DLG2: variants seen among roughly 807,000 people sequenced by gnomAD.
The protein encoded by DLG2 is discs large MAGUK scaffold protein 2, also known as disks large homolog 2.
DLG2 carries 45 observed loss-of-function variants against 132.5 expected under a neutral mutation model. The ratio of observed to expected loss-of-function variants is 0.34; its 90% CI spans 0.27 to 0.44. The LOEUF (loss-of-function observed/expected upper bound fraction) is 0.44. Among genes scored for constraint, DLG2 ranks in the 20% least tolerant of loss-of-function variants. DLG2 has a pLI of 1.00. For synonymous variants in DLG2, 424 were observed against 419.6 expected, an observed-to-expected ratio of 1.01 and a Z score of -0.13; for missense variants, 1,045 against 1,196.9, an observed-to-expected ratio of 0.87 and a Z score of 1.87.
At chr11:83,856,195 T>C (rs2060510493) in intron 16 of DLG2, among the ~76,000 whole-genome samples, 1 of 152,204 alleles carries the variant, frequency 6.6e-6, no homozygotes, top group South Asian at 2.1e-4. Flanking sequence ...ATATAATTCA[T>C]GGTGTGTATG....
At position 84,956,103 on chromosome 11, in the gene DLG2, G is replaced by A. The variant is rs184077084; in HGVS notation, c.357+155558C>T. On this transcript the variant is annotated intron_variant, in intron 6 of 27. Coordinates refer to ENST00000376104, the MANE Select transcript of DLG2 (RefSeq NM_001142699.3). ...ATGATTTCAGATATCTCTAAATCCCGCCTGTCTCCATTTATCAGCATAGTT... is the reference window on the plus strand; with the variant it reads ...ATGATTTCAGATATCTCTAAATCCCACCTGTCTCCATTTATCAGCATAGTT... Among the ~76,000 whole-genome samples, 152 of 152,176 alleles carry A rather than the reference G, an allele frequency of 1.0e-3. 1 individual carries two copies. Among genetic ancestry groups the A allele is most frequent in the African/African-American group, 2.7e-3 (114 of 41,536 alleles).
At chr11:84,913,202 A>G (rs1469421421) in intron 6 of DLG2, among the ~76,000 whole-genome samples, 1 of 152,218 alleles carries the variant, frequency 6.6e-6, no homozygotes, top group Non-Finnish European at 1.5e-5. Context: ...CTTCTGTTTA[A>G]AAGAATCATT....
chr11:84,761,659 T>C (rs1348852368), intron 6 of DLG2, among the ~76,000 whole-genome samples: 1 of 152,212 alleles, frequency 6.6e-6, no homozygotes, highest in Non-Finnish European at 1.5e-5. Flanking sequence ...CTTCAGCTTT[T>C]GGACTCTTGA....
intron 6 of DLG2, among the ~76,000 whole-genome samples, chr11:85,088,323 T>C (rs1323469781): frequency 6.6e-6 from 1 of 152,226 alleles, no homozygotes; most frequent in African/African-American, 2.4e-5. Flanking sequence ...ATTTCTGTTG[T>C]GTGAGCCTTT....
At chr11:84,718,333 T>C (rs774522662) in intron 6 of DLG2, among the ~76,000 whole-genome samples, 1 of 152,058 alleles carries the variant, frequency 6.6e-6, no homozygotes, top group African/African-American at 2.4e-5. Flanking sequence ...TCTATTGACA[T>C]GAATCTCTCT....
chr11:84,579,721 G>T (rs1188801374), intron 6 of DLG2, among the ~76,000 whole-genome samples: 1 of 152,204 alleles, frequency 6.6e-6, no homozygotes, highest in Non-Finnish European at 1.5e-5. Context: ...GTATTGGACA[G>T]CCATAAACTA....
intron 3 of DLG2, among the ~76,000 whole-genome samples, chr11:85,529,450 T>A (rs2075034246): frequency 6.6e-6 from 1 of 152,186 alleles, no homozygotes; most frequent in South Asian, 2.1e-4. Context: ...ATATCTATTT[T>A]TTATCTTGTT....
At chr11:83,996,398 T>C (rs1027879642) in intron 11 of DLG2, among the ~76,000 whole-genome samples, 4 of 152,204 alleles carry the variant, frequency 2.6e-5, no homozygotes, top group African/African-American at 4.8e-5. Flanking sequence ...ACAACCACTA[T>C]GGAGAACAGT....
intron 11 of DLG2, among the ~76,000 whole-genome samples, chr11:84,054,238 T>C (rs1320341869): frequency 5.3e-5 from 8 of 152,088 alleles, no homozygotes; most frequent in Non-Finnish European, 1.0e-4. Context: ...AACAAACAGT[T>C]CTGTACTTGT....
intron 6 of DLG2, among the ~76,000 whole-genome samples, chr11:85,072,115 C>T (rs1486049719): frequency 1.3e-5 from 2 of 151,854 alleles, no homozygotes; most frequent in East Asian, 3.9e-4. Context: ...TCATTGTCCT[C>T]ATTGTTACAA....
At chr11:84,845,581 T>C (rs1180259618) in intron 6 of DLG2, among the ~76,000 whole-genome samples, 1 of 152,106 alleles carries the variant, frequency 6.6e-6, no homozygotes, top group Non-Finnish European at 1.5e-5. Context: ...AATGGACATC[T>C]GTTTGTCTTT....
At chr11:84,169,055 T>G (rs1475712209) in intron 8 of DLG2, among the ~76,000 whole-genome samples, 2 of 152,182 alleles carry the variant, frequency 1.3e-5, no homozygotes, top group Non-Finnish European at 1.5e-5. Context: ...TTTCCAACAT[T>G]TTTGATGAGT....
At chr11:83,921,547 A>G (rs376100135) in intron 15 of DLG2, among the ~76,000 whole-genome samples, 32 of 152,202 alleles carry the variant, frequency 2.1e-4, no homozygotes, top group Non-Finnish European at 1.5e-4. Flanking sequence ...AGGGCACCCA[A>G]TACACATCAG....
chr11:84,606,044 T>C (rs1371767416), intron 6 of DLG2, among the ~76,000 whole-genome samples: 2 of 152,080 alleles, frequency 1.3e-5, no homozygotes, highest in Non-Finnish European at 2.9e-5. Context: ...TTTGTTTTCC[T>C]AGTAGATTGT....
intron 6 of DLG2, among the ~76,000 whole-genome samples, chr11:85,034,927 T>A (rs905754242): frequency 1.2e-4 from 18 of 152,194 alleles, no homozygotes; most frequent in Admixed American, 3.3e-4. Flanking sequence ...TGCATTTGAA[T>A]TAAGGTAAAA....
chr11:85,538,111 G>A (rs530284119), intron 3 of DLG2, among the ~76,000 whole-genome samples: 31 of 151,746 alleles, frequency 2.0e-4, no homozygotes, highest in Middle Eastern at 3.4e-3. Context: ...GCGAGACTCC[G>A]TCTCAAAAAA....
At chr11:85,022,253 G>T (rs1378177727) in intron 6 of DLG2, among the ~76,000 whole-genome samples, 1 of 151,688 alleles carries the variant, frequency 6.6e-6, no homozygotes, top group South Asian at 2.1e-4. Flanking sequence ...CAGAAAGAAT[G>T]AAACACTAAA....
intron 19 of DLG2, among the ~76,000 whole-genome samples, chr11:83,590,987 T>C (rs2097178074): frequency 6.6e-6 from 1 of 151,950 alleles, no homozygotes; most frequent in Non-Finnish European, 1.5e-5. Flanking sequence ...GCTGAAATTG[T>C]GGCAATAATC....
At chr11:84,082,285 A>G (rs552736378) in intron 10 of DLG2, among the ~76,000 whole-genome samples, 182 of 152,328 alleles carry the variant, frequency 1.2e-3, no homozygotes, top group South Asian at 2.3e-3. Context: ...ATAAAAGTTC[A>G]ACTGTTTGAA....
Sources: allele counts gnomAD v4.1 joint callset (sites outside exome capture counted in the v4.1 genomes callset), GRCh38; gene constraint gnomAD v4.1.1; transcripts MANE v1.5; gene names NCBI Gene and HGNC (gene_info 2026-07-23, HGNC 2026-07-21).